Variants in MAF observed in about 807,000 individuals in gnomAD.
MAF encodes MAF bZIP transcription factor.
In MAF, 10 loss-of-function variants were observed where a neutral mutation model predicts 22.0. That is an observed-to-expected ratio of 0.45 (90% CI 0.28 to 0.77). MAF has a LOEUF of 0.77. MAF is among the 30% of genes least tolerant of loss of function. The pLI, the probability that MAF is intolerant of heterozygous loss-of-function variation, is 0.12. For synonymous variants in MAF, 337 were observed against 255.8 expected (o/e 1.32, Z -3.03); for missense variants, 544 against 548.4 (o/e 0.99, Z 0.08).
At chr16:79,467,389 T>C in the MAF span, among the ~76,000 whole-genome samples, 6 of 152,182 alleles carry the variant, frequency 3.9e-5, no homozygotes, top group South Asian at 2.1e-4. Context: ...ATGGCATGCA[T>C]TGAGTGCTTA....
At chr16:79,219,605 T>A in the MAF span, among the ~76,000 whole-genome samples, 2 of 146,304 alleles carry the variant, frequency 1.4e-5, no homozygotes, top group Non-Finnish European at 3.0e-5. Flanking sequence ...TGAATGTTAC[T>A]GTCCCCTTTT....
chr16:79,368,449 G>A, the MAF span, among the ~76,000 whole-genome samples: 44,883 of 151,978 alleles, frequency 0.3, 7,868 homozygotes, highest in Non-Finnish European at 0.41. Flanking sequence ...TGATCCATCT[G>A]ATTTGCAGTG....
chr16:79,496,158 G>A, the MAF span, among the ~76,000 whole-genome samples: 3 of 152,276 alleles, frequency 2.0e-5, no homozygotes, highest in South Asian at 6.2e-4. Flanking sequence ...AAGTGTAGGA[G>A]TATTTGTTAT....
chr16:79,379,487 G>C, the MAF span, among the ~76,000 whole-genome samples: 5 of 140,034 alleles, frequency 3.6e-5, no homozygotes, highest in Non-Finnish European at 3.0e-5. Context: ...TACGGCTCTT[G>C]ATCTGGTGGA....
At chr16:79,405,952 G>A in the MAF span, among the ~76,000 whole-genome samples, 8 of 152,246 alleles carry the variant, frequency 5.3e-5, no homozygotes, top group Non-Finnish European at 8.8e-5. Flanking sequence ...CACTGCCCAC[G>A]GCTTCTTTGG....
the MAF span, among the ~76,000 whole-genome samples, chr16:79,517,041 C>G: frequency 1.3e-5 from 2 of 151,384 alleles, no homozygotes; most frequent in Non-Finnish European, 2.9e-5. Flanking sequence ...TTTTTTTTCT[C>G]CAGGACCATA....
the MAF span, among the ~76,000 whole-genome samples, chr16:79,375,958 C>T: frequency 0.045 from 6,905 of 152,094 alleles, 500 homozygotes; most frequent in African/African-American, 0.16. Context: ...AGGAGAAATG[C>T]GGGTTAACAA....
the MAF span, among the ~76,000 whole-genome samples, chr16:79,575,258 C>T: frequency 2.0e-5 from 3 of 152,088 alleles, no homozygotes; most frequent in African/African-American, 7.2e-5. Flanking sequence ...CAAGCCTTAC[C>T]CAATGCCATG....
the MAF span, among the ~76,000 whole-genome samples, chr16:79,280,371 G>A: frequency 6.6e-6 from 1 of 152,192 alleles, no homozygotes; most frequent in South Asian, 2.1e-4. Context: ...ATCCAACTAA[G>A]AAACTATTAA....
the MAF span, among the ~76,000 whole-genome samples, chr16:79,216,757 T>G: frequency 6.6e-6 from 1 of 152,222 alleles, no homozygotes; most frequent in South Asian, 2.1e-4. Context: ...TGTACATATA[T>G]GTGTGTATTT....
At chr16:79,429,862 C>G in the MAF span, among the ~76,000 whole-genome samples, 1 of 152,172 alleles carries the variant, frequency 6.6e-6, no homozygotes, top group African/African-American at 2.4e-5. Flanking sequence ...GCCTAACCCC[C>G]CAGGAAAGGT....
the MAF span, among the ~76,000 whole-genome samples, chr16:79,559,228 C>T: frequency 1.3e-5 from 2 of 152,148 alleles, no homozygotes; most frequent in Non-Finnish European, 2.9e-5. Flanking sequence ...ATGGTTTGTG[C>T]ACACACTTAA....
the MAF span, among the ~76,000 whole-genome samples, chr16:79,214,677 T>A: frequency 6.7e-6 from 1 of 149,598 alleles, no homozygotes; most frequent in East Asian, 2.0e-4. Context: ...AGTGCTGGGA[T>A]TACAGGTGTG....
At chr16:79,491,194 G>A in the MAF span, among the ~76,000 whole-genome samples, 7 of 152,280 alleles carry the variant, frequency 4.6e-5, no homozygotes, top group East Asian at 7.7e-4. Context: ...CAGGCCTGAC[G>A]GCTGAAAACA....
chr16:79,344,110 C>G, the MAF span, among the ~76,000 whole-genome samples: 1 of 152,182 alleles, frequency 6.6e-6, no homozygotes, highest in Non-Finnish European at 1.5e-5. Flanking sequence ...CTGACACTCC[C>G]TGGAAGATGG....
chr16:79,593,620 A>G (rs113439221), downstream of MAF, among the ~76,000 whole-genome samples: 342 of 152,352 alleles, frequency 2.2e-3, 1 homozygote, highest in African/African-American at 7.8e-3. Context: ...GACAGTGAGG[A>G]AATGATGTCT....
the MAF span, among the ~76,000 whole-genome samples, chr16:79,270,889 A>T: frequency 7.6e-6 from 1 of 132,092 alleles, no homozygotes; most frequent in East Asian, 2.4e-4. Flanking sequence ...GAGTACAAAG[A>T]CATGGCCAGA....
the MAF span, among the ~76,000 whole-genome samples, chr16:79,329,933 A>G: frequency 7.2e-5 from 11 of 152,094 alleles, no homozygotes; most frequent in African/African-American, 2.7e-4. Context: ...CAGACACACC[A>G]TACAATAAAC....
the MAF span, among the ~76,000 whole-genome samples, chr16:79,279,632 C>G: frequency 6.6e-6 from 1 of 152,160 alleles, no homozygotes; most frequent in Non-Finnish European, 1.5e-5. Flanking sequence ...TCAGATCTGA[C>G]TGTACTAAAG....
Sources: allele counts gnomAD v4.1 joint callset (sites outside exome capture counted in the v4.1 genomes callset), GRCh38; gene constraint gnomAD v4.1.1; transcripts MANE v1.5; gene names NCBI Gene and HGNC (gene_info 2026-07-23, HGNC 2026-07-21).